PRLR: variants seen among roughly 807,000 people sequenced by gnomAD.
PRLR encodes hPRL receptor.
Under a neutral mutation model 40.2 loss-of-function variants are expected in PRLR, and 13 were observed. The ratio of observed to expected loss-of-function variants is 0.32; its 90% CI spans 0.21 to 0.51. The LOEUF (loss-of-function observed/expected upper bound fraction) is 0.51, where lower values mean the gene tolerates loss of function less well. Among genes scored for constraint, PRLR ranks in the 20% least tolerant of loss-of-function variants. The probability of loss-of-function intolerance (pLI) is 0.97; values close to 1 mark genes in which losing one functional copy is unlikely to be tolerated. For synonymous variants in PRLR, 269 were observed against 278.7 expected, an observed-to-expected ratio of 0.97 and a Z score of 0.35; for missense variants, 656 against 747.3, an observed-to-expected ratio of 0.88 and a Z score of 1.42.
intron 2 of PRLR, among the ~76,000 whole-genome samples, chr5:35,101,283 C>T (rs529332786): frequency 1.4e-3 from 206 of 152,298 alleles, no homozygotes; most frequent in African/African-American, 4.6e-3. Context: ...TACAGATCCA[C>T]GGAAACAGCA....
Position 35,058,813 on chromosome 5 carries a change from T to C in PRLR, c.*6276A>G, listed in dbSNP as rs1579545283. ...GTACAAAATAATGTAACAGTTACTG[T>C]AAAGTCAGTAATGCCACTTGGCAAA... On this transcript the variant is annotated 3_prime_UTR_variant, in exon 10 of 10. Transcript: ENST00000618457. 6.6e-6 allele frequency: 1 copy of C among 152,136 alleles called. No individual in the cohort carries two copies. Among genetic ancestry groups the C allele is most frequent in the African/African-American group, 2.4e-5 (1 of 41,426 alleles). 9.4% of individuals were successfully genotyped at this position (152,136 alleles called of 1,614,324 possible). A position where few individuals can be genotyped will look rare whatever the true frequency, so the allele number is the denominator to read the frequency against.
At position 35,056,178 on chromosome 5, in the gene PRLR, G is replaced by A. The variant is rs1768703185; in HGVS notation, c.*8911C>T. 6.6e-6 allele frequency: 1 copy of A among 152,186 alleles called. No individual in the cohort carries two copies. The highest frequency in any genetic ancestry group is 6.5e-5 in the Admixed American group (1 of 15,272). The allele number at this position is 152,186 out of a possible 1,614,324, so 9.4% of individuals were successfully genotyped here. A position where few individuals can be genotyped will look rare whatever the true frequency, so the allele number is the denominator to read the frequency against. Reference sequence around the variant, plus strand: ...AAGAGAAAAATGCTTAACATTAGCAGGGGCAGCAGGAATTGAGGGGTGGTG... The same window carrying A: ...AAGAGAAAAATGCTTAACATTAGCAAGGGCAGCAGGAATTGAGGGGTGGTG... On this transcript the variant is annotated 3_prime_UTR_variant, in exon 10 of 10. Transcript: ENST00000618457.
At chr5:35,155,086 C>T (rs970074552) in intron 1 of PRLR, among the ~76,000 whole-genome samples, 5 of 148,648 alleles carry the variant, frequency 3.4e-5, no homozygotes, top group African/African-American at 1.3e-4. Flanking sequence ...CAAACCACCA[C>T]GGCACATGTT....
At chr5:35,210,823 C>T (rs1776150279) in intron 1 of PRLR, among the ~76,000 whole-genome samples, 1 of 152,034 alleles carries the variant, frequency 6.6e-6, no homozygotes, top group Admixed American at 6.6e-5. Context: ...GATTCTCTCC[C>T]CTCAGTGCCC....
chr5:35,059,284 T>C lies in PRLR; in HGVS notation c.*5805A>G, dbSNP rs939972602. ...TAATAGACTAAGATTATCTGTGGTC[T>C]ATTTATTGACCACACCTTATAAACA... On this transcript the variant is annotated 3_prime_UTR_variant, in exon 10 of 10. Transcript: ENST00000618457. 6 of 152,198 alleles carry C rather than the reference T, an allele frequency of 3.9e-5. No individual in the cohort carries two copies. The highest frequency in any genetic ancestry group is 1.4e-4 in the African/African-American group (6 of 41,454). 9.4% of individuals were successfully genotyped at this position (152,198 alleles called of 1,614,324 possible).
rs1317817314 is a variant in PRLR, at chr5:35,065,415, C to T, written c.1543G>A (p.Val515Ile). ...AATGATAATGCACCATCTTTGTTGA[C>T]CTTGTGAATCTCCACATAATCCAAG... ...KPLDYVEIHKVNKDGALSLLP... is the reference protein window; with the variant it reads ...KPLDYVEIHKINKDGALSLLP... The change falls in exon 10 of 10, where the codon GTC becomes ATC. Residue 515 changes from valine (V) to isoleucine (I), a missense_variant. By Grantham distance (29) the Val-to-Ile change is conservative (BLOSUM62 3). This residue lies in a region of PRLR where 469 missense variants were observed against 491.5 expected (regional missense o/e 0.95). Transcript: ENST00000618457. The T allele has an allele frequency of 1.2e-6, 2 of 1,614,126 alleles. No individual in the cohort carries two copies. The highest frequency in any genetic ancestry group is 1.7e-5 in the Admixed American group (1 of 60,016).
In PRLR at chr5:35,190,196, T is replaced by C. The variant is rs139281288; in HGVS notation, c.-106+40072A>G. Among the ~76,000 whole-genome samples, 10 of 152,254 alleles carry C rather than the reference T, an allele frequency of 6.6e-5. No homozygotes were observed. The East Asian group carries it at 1.9e-3, about 29-fold the overall frequency. On this transcript the variant is annotated intron_variant, in intron 1 of 9. Coordinates refer to ENST00000618457, the MANE Select transcript of PRLR (RefSeq NM_000949.7). ...CCAGTACAGGGGGACAATATAATTA[T>C]CCCATTTTACATGTGGAAACCAAGG...
intron 3 of PRLR, 57 bp from the exon 4 acceptor site, chr5:35,086,397 C>G: frequency 6.3e-7 from 1 of 1,592,434 alleles, no homozygotes; most frequent in Middle Eastern, 2.2e-4. Flanking sequence ...CCATTTGACC[C>G]TTCTGCTGGT....
chr5:35,104,451 C>T (rs111443972), intron 2 of PRLR, among the ~76,000 whole-genome samples: 5,637 of 152,050 alleles, frequency 0.037, 293 homozygotes, highest in African/African-American at 0.11. Flanking sequence ...TGTAAGGGGT[C>T]GGGAAATTCC....
chr5:35,136,193 G>T (rs1345312563), intron 1 of PRLR, among the ~76,000 whole-genome samples: 2 of 152,166 alleles, frequency 1.3e-5, no homozygotes, highest in Non-Finnish European at 1.5e-5. Context: ...TAACAGAATT[G>T]TGCAAGTTTG....
chr5:35,079,034 A>T (rs1394661943), intron 5 of PRLR, among the ~76,000 whole-genome samples: 1 of 152,176 alleles, frequency 6.6e-6, no homozygotes, highest in African/African-American at 2.4e-5. Flanking sequence ...CTCTCAATAA[A>T]CTAGGTATTG....
intron 1 of PRLR, among the ~76,000 whole-genome samples, chr5:35,218,385 C>T (rs1776336464): frequency 6.6e-6 from 1 of 152,060 alleles, no homozygotes; most frequent in African/African-American, 2.4e-5. Flanking sequence ...AAAAAAATTG[C>T]ATCTTATATA....
intron 1 of PRLR, among the ~76,000 whole-genome samples, chr5:35,150,905 G>A (rs1282705125): frequency 6.6e-6 from 1 of 152,176 alleles, no homozygotes; most frequent in African/African-American, 2.4e-5. Flanking sequence ...GGGAGCAGCT[G>A]CATTCCCTCC....
chr5:35,129,456 C>T (rs1451016551), intron 1 of PRLR, among the ~76,000 whole-genome samples: 1 of 152,132 alleles, frequency 6.6e-6, no homozygotes, highest in African/African-American at 2.4e-5. Context: ...ACTCAGAACC[C>T]TTACTCCACA....
rs371329630 is a variant in PRLR, at chr5:35,105,266, G to A, written c.-44+12795C>T. The stretch of plus-strand genomic sequence containing the variant: ...AAGGTAGATAAAACCACAAAGATGG[G>A]GAGAAACCAGAGCAGAAAAGCTGAA... On this transcript the variant is annotated intron_variant, in intron 2 of 9. Transcript: ENST00000618457. Among the ~76,000 whole-genome samples, 6 of 152,304 alleles carry A rather than the reference G, an allele frequency of 3.9e-5. 1 individual carries two copies. Among genetic ancestry groups the A allele is most frequent in the African/African-American group, 2.4e-5 (1 of 41,572 alleles).
At chr5:35,131,926 A>G (rs1773696432) in intron 1 of PRLR, among the ~76,000 whole-genome samples, 3 of 152,204 alleles carry the variant, frequency 2.0e-5, no homozygotes. Context: ...TTAAGAATGA[A>G]TAAGGAGATA....
At chr5:35,078,037 T>C (rs534250166) in intron 5 of PRLR, among the ~76,000 whole-genome samples, 38 of 152,300 alleles carry the variant, frequency 2.5e-4, no homozygotes, top group Middle Eastern at 6.8e-3. Context: ...CCAGAATCTC[T>C]GGGACACATT....
At chr5:35,136,643 T>C (rs550568939) in intron 1 of PRLR, among the ~76,000 whole-genome samples, 1 of 152,296 alleles carries the variant, frequency 6.6e-6, no homozygotes, top group South Asian at 2.1e-4. Flanking sequence ...TTCCCTTCCT[T>C]GAGAGGCCCA....
chr5:35,227,654 G>A lies in PRLR; in HGVS notation c.-106+2614C>T, dbSNP rs559850312. ...ATATCCAATTTCCTTTTAAGTTTCC[G>A]ATGTTTCCTTCTTTCATTGCTACAT... On this transcript the variant is annotated intron_variant, in intron 1 of 9. Transcript: ENST00000618457. Among the ~76,000 whole-genome samples, 15 of 152,246 alleles carry A rather than the reference G, an allele frequency of 9.9e-5. No individual in the cohort carries two copies. The South Asian group carries it at 2.9e-3, about 29-fold the overall frequency.
Sources: allele counts gnomAD v4.1 joint callset (sites outside exome capture counted in the v4.1 genomes callset), GRCh38; gene constraint gnomAD v4.1.1; regional missense constraint gnomAD v4.1.1; transcripts MANE v1.5; gene names NCBI Gene and HGNC (gene_info 2026-07-23, HGNC 2026-07-21).